Variants in ADAM28 observed in about 807,000 individuals in gnomAD.
ADAM28 encodes ADAM metallopeptidase domain 28.
A neutral mutation model predicts 101.2 loss-of-function variants in ADAM28; 105 were observed. The ratio of observed to expected loss-of-function variants is 1.04; its 90% CI spans 0.89 to 1.22. The LOEUF is 1.22. Ranked by LOEUF, ADAM28 falls within the 50% of genes most tolerant of loss-of-function variation. The pLI is 0.00. For synonymous variants in ADAM28, 322 were observed against 310.6 expected (o/e 1.04, Z -0.39); for missense variants, 1,028 against 945.4 (o/e 1.09, Z -1.15).
intron 17 of ADAM28, 133 bp downstream of exon 17, chr8:24,343,314 A>G: frequency 8.3e-7 from 1 of 1,211,684 alleles, no homozygotes; most frequent in South Asian, 1.4e-5. Context: ...CTTCAGTAGC[A>G]TGGTTCAAGG....
rs749476724 is a variant in ADAM28, at chr8:24,323,956, G to A, written c.843G>A (p.Gly281=). 16 of 1,612,008 alleles carry A rather than the reference G, an allele frequency of 9.9e-6. No homozygotes were observed. Among genetic ancestry groups the A allele is most frequent in the Admixed American group, 1.7e-5 (1 of 59,774 alleles). The change falls in exon 9 of 23, where the codon GGG becomes GGA. Residue 281 remains glycine, a synonymous_variant. Coordinates refer to ENST00000265769, the MANE Select transcript of ADAM28 (RefSeq NM_014265.6). ...TGGAGAATTTTTCTAAATGGAGGGG[G>A]AGTGTTCTCTCAAGAAGAAAGCGTC... ...FTLENFSKWR[G]SVLSRRKRHD...
At chr8:24,351,530 GAA>G (rs746765511) in intron 20 of ADAM28, 1 of 606,442 alleles carries the variant, frequency 1.6e-6, no homozygotes, top group Admixed American at 2.5e-5. Context: ...AGAGAACAAA[GAA>G]TGCACATACC....
At position 24,357,147 on chromosome 8, in the gene ADAM28, C is replaced by A. The variant is rs1394538745; in HGVS notation, c.*2743C>A. The stretch of plus-strand genomic sequence containing the variant: ...CTTGGAATTTTAGATTCCTTCCCAG[C>A]TGAATCTTGACTTCAGCCTTGTGAG... On this transcript the variant is annotated 3_prime_UTR_variant, in exon 23 of 23. Coordinates refer to ENST00000265769, the MANE Select transcript of ADAM28 (RefSeq NM_014265.6). The A allele has an allele frequency of 6.6e-6, 1 of 152,090 alleles. No homozygotes were observed. Among genetic ancestry groups the A allele is most frequent in the African/African-American group, 2.4e-5 (1 of 41,400 alleles). The allele number at this position is 152,090 out of a possible 1,614,324, so 9.4% of individuals were successfully genotyped here.
chr8:24,315,689 AAGAC>A (rs1485413232), intron 6 of ADAM28, among the ~76,000 whole-genome samples: 3 of 151,952 alleles, frequency 2.0e-5, no homozygotes, highest in African/African-American at 7.2e-5. Context: ...TACCTAACCC[AAGAC>A]AAAGACGCCA....
chr8:24,319,675 C>CT (rs756141678), intron 6 of ADAM28, among the ~76,000 whole-genome samples: 582 of 144,748 alleles, frequency 4.0e-3, no homozygotes, highest in Non-Finnish European at 5.7e-3. Flanking sequence ...CACTATGTAA[C>CT]TTTTTTTTTT....
At chr8:24,332,087 A>C (rs1214792574) in intron 12 of ADAM28, among the ~76,000 whole-genome samples, 3 of 152,206 alleles carry the variant, frequency 2.0e-5, no homozygotes. Flanking sequence ...TGTAACCCTG[A>C]AACTCTCAGT....
At chr8:24,346,483 A>G (rs944917664) in intron 18 of ADAM28, among the ~76,000 whole-genome samples, 25 of 152,114 alleles carry the variant, frequency 1.6e-4, no homozygotes, top group African/African-American at 5.5e-4. Context: ...TTTAAATCTT[A>G]TGCCTTTTAT....
At chr8:24,349,704 A>G (rs904334096) in intron 18 of ADAM28, among the ~76,000 whole-genome samples, 160 bp from the exon 19 acceptor site, 2 of 152,186 alleles carry the variant, frequency 1.3e-5, no homozygotes, top group South Asian at 4.1e-4. Flanking sequence ...TAATATAATT[A>G]TCCTGATCAA....
At chr8:24,302,607 T>TA (rs1808934672) in intron 2 of ADAM28, among the ~76,000 whole-genome samples, 1 of 152,306 alleles carries the variant, frequency 6.6e-6, no homozygotes, top group South Asian at 2.1e-4. Context: ...CATCTATTGT[T>TA]TCTTGACTTT....
chr8:24,304,916 CA>C (rs201577045), intron 2 of ADAM28, among the ~76,000 whole-genome samples: 4,511 of 128,228 alleles, frequency 0.035, 160 homozygotes, highest in African/African-American at 0.097. Flanking sequence ...AACTCCTTCT[CA>C]AAAAAAAAAA....
chr8:24,343,570 C>A lies in ADAM28; in HGVS notation c.1976C>A (p.Ser659Tyr). The A allele has an allele frequency of 2.5e-6, 4 of 1,613,738 alleles. No individual in the cohort carries two copies. The highest frequency in any genetic ancestry group is 3.4e-6 in the Non-Finnish European group (4 of 1,179,780). ...TGGATCCCTCCCGACTGCGATGACT[C>A]CTCAGTGGTCTTCCGTAGGTAACAT... The part of the protein sequence containing the change: ...EGWIPPDCDD[S>Y]SVVFHFSIVV... The change falls in exon 18 of 23, where the codon TCC becomes TAC. Residue 659 changes from serine (S) to tyrosine (Y), a missense_variant. By Grantham distance (144) the Ser-to-Tyr change is moderately radical (BLOSUM62 -2). Coordinates refer to ENST00000265769, the MANE Select transcript of ADAM28 (RefSeq NM_014265.6).
intron 21 of ADAM28, among the ~76,000 whole-genome samples, chr8:24,352,764 G>A (rs945259225): frequency 2.0e-5 from 3 of 152,094 alleles, no homozygotes; most frequent in Non-Finnish European, 4.4e-5. Flanking sequence ...GTGGGGTCAT[G>A]GCTTCTCCAT....
intron 16 of ADAM28, among the ~76,000 whole-genome samples, chr8:24,342,760 G>T (rs1339374612): frequency 1.3e-5 from 2 of 152,068 alleles, no homozygotes; most frequent in Non-Finnish European, 2.9e-5. Flanking sequence ...GGAAGTACTG[G>T]GACTAGGGCA....
chr8:24,311,310 C>T lies in ADAM28; in HGVS notation c.307-51C>T, dbSNP rs192393837. ...AAGATTTCAGATGCGGCTTTAGCAG[C>T]GGTGCTAAAATTCACATGTACTTCT... On this transcript the variant is annotated intron_variant, in intron 4 of 22. Transcript: ENST00000265769. 1.1e-3 allele frequency: 1,611 copies of T among 1,427,158 alleles called. 6 individuals are homozygous for T. In the Middle Eastern group the frequency reaches 0.018, roughly 16 times the overall value. The allele number at this position is 1,427,158 out of a possible 1,614,324, so 88.4% of individuals were successfully genotyped here.
chr8:24,352,247 A>AACTTGTGACAAGAAG (rs1216060179), intron 21 of ADAM28, among the ~76,000 whole-genome samples, 195 bp downstream of exon 21: 1 of 152,260 alleles, frequency 6.6e-6, no homozygotes. Flanking sequence ...ACTCCATGCC[A>AACTTGTGACAAGAAG]ACTTGTGACA....
At chr8:24,338,383 A>G (rs1369577558) in intron 14 of ADAM28, among the ~76,000 whole-genome samples, 1 of 152,194 alleles carries the variant, frequency 6.6e-6, no homozygotes, top group Non-Finnish European at 1.5e-5. Context: ...CTGCAATATC[A>G]GCAGCAATAA....
intron 18 of ADAM28, among the ~76,000 whole-genome samples, chr8:24,347,829 A>G (rs7000086): frequency 0.04 from 6,100 of 152,192 alleles, 426 homozygotes; most frequent in African/African-American, 0.14. Context: ...ATATAGCTGT[A>G]ACGTATTTGT....
At chr8:24,324,607 A>G (rs1480064563) in intron 9 of ADAM28, among the ~76,000 whole-genome samples, 1 of 152,004 alleles carries the variant, frequency 6.6e-6, no homozygotes, top group Non-Finnish European at 1.5e-5. Flanking sequence ...GAAATCAGTG[A>G]ACTATGTCCT....
chr8:24,341,516 A>G, intron 15 of ADAM28, 82 bp from the exon 16 acceptor site: 1 of 1,388,638 alleles, frequency 7.2e-7, no homozygotes, highest in Non-Finnish European at 9.9e-7. Context: ...GAAAAATACC[A>G]TCAGTTAAAT....
Sources: allele counts gnomAD v4.1 joint callset (sites outside exome capture counted in the v4.1 genomes callset), GRCh38; gene constraint gnomAD v4.1.1; transcripts MANE v1.5; gene names NCBI Gene and HGNC (gene_info 2026-07-23, HGNC 2026-07-21).